The following DMXL1 variants were observed in gnomAD, a reference collection of about 807,000 sequenced individuals.
DMXL1 encodes dmX-like protein 1.
DMXL1 carries 99 observed loss-of-function variants against 319.2 expected under a neutral mutation model. That is an observed-to-expected ratio of 0.31 (90% CI 0.26 to 0.37). DMXL1 has a LOEUF of 0.37. Among genes scored for constraint, DMXL1 ranks in the 10% least tolerant of loss-of-function variants. DMXL1 has a pLI of 1.00. For missense variants in DMXL1, 3,745 were observed against 3,595.6 expected (o/e 1.04, Z -1.06); for synonymous variants, 1,385 against 1,235.2 (o/e 1.12, Z -2.54).
intron 37 of DMXL1, among the ~76,000 whole-genome samples, chr5:119,223,077 G>C (rs1784918934): frequency 8.6e-6 from 1 of 115,990 alleles, no homozygotes; most frequent in South Asian, 2.9e-4. Context: ...TTTTTTTTGA[G>C]ATGGAGTCTC....
chr5:119,143,309 GAAA>G (rs576619605), intron 13 of DMXL1, among the ~76,000 whole-genome samples: 1 of 151,322 alleles, frequency 6.6e-6, no homozygotes, highest in Non-Finnish European at 1.5e-5. Context: ...GAAGGCAAAA[GAAA>G]AAAAATATTT....
chr5:119,182,423 A>G (rs1776940553), intron 28 of DMXL1, among the ~76,000 whole-genome samples: 1 of 152,156 alleles, frequency 6.6e-6, no homozygotes, highest in Admixed American at 6.6e-5. Context: ...ACCCTTAAAC[A>G]TGTTTTCTAA....
chr5:119,134,181 A>G lies in DMXL1; in HGVS notation c.2254+3A>G, dbSNP rs757055043. 8 of 1,610,906 alleles carry G rather than the reference A, an allele frequency of 5.0e-6. No homozygotes were observed. Among genetic ancestry groups the G allele is most frequent in the Non-Finnish European group, 6.8e-6 (8 of 1,178,860 alleles). ...TCTTATACCCAGTTATTGTCTGGGT[A>G]AGTATTCTGGTTTTTATTACAGTAA... On this transcript the variant is annotated splice_donor_region_variant and intron_variant, in intron 12 of 43. Transcript: ENST00000539542.
In DMXL1 at chr5:119,149,229, A is replaced by C. The variant is rs1185191450; in HGVS notation, c.3402A>C (p.Ser1134=). Residue 1134 remains serine (S), a synonymous_variant, in exon 18 of 44, where the codon TCA becomes TCC. Transcript: ENST00000539542. The part of the protein sequence containing the change: ...MYLSSKENIT[S]NTKHLVHLDW... Reference sequence around the variant, plus strand: ...TATCTAGTAAAGAGAATATCACATCAAACACAAAGCATTTAGTTCACTTAG... The same window carrying C: ...TATCTAGTAAAGAGAATATCACATCCAACACAAAGCATTTAGTTCACTTAG... The C allele has an allele frequency of 1.9e-6, 3 of 1,613,970 alleles. No homozygotes were observed. Among genetic ancestry groups the C allele is most frequent in the Admixed American group, 3.3e-5 (2 of 59,988 alleles).
chr5:119,168,966 A>G (rs1774003920), intron 23 of DMXL1, among the ~76,000 whole-genome samples: 2 of 152,044 alleles, frequency 1.3e-5, no homozygotes, highest in Non-Finnish European at 2.9e-5. Context: ...CAGTGGGGCT[A>G]TCTCAGCTCA....
At position 119,197,937 on chromosome 5, in the gene DMXL1, C is replaced by G. The variant is rs1310280804; in HGVS notation, c.7726C>G (p.Pro2576Ala). 1 of 1,613,982 alleles carries G rather than the reference C, an allele frequency of 6.2e-7. No homozygotes were observed. Among genetic ancestry groups the G allele is most frequent in the African/African-American group, 1.3e-5 (1 of 74,898 alleles). Residue 2576 changes from proline to alanine, a missense_variant, in exon 32 of 44, where the codon CCT becomes GCT. This residue lies in a region of DMXL1 where 1,382 missense variants were observed against 1,269.5 expected (regional missense o/e 1.09). Coordinates refer to ENST00000539542, the MANE Select transcript of DMXL1 (RefSeq NM_001290321.3). ...AILRHKALLE[P>A]TNTPFKSKHH... ...TCTTCGCCACAAAGCTTTACTGGAA[C>G]CTACAAACACTCCTTTCAAGTAGGT...
chr5:119,084,758 G>A (rs921328649), intron 1 of DMXL1, among the ~76,000 whole-genome samples: 2 of 151,774 alleles, frequency 1.3e-5, no homozygotes, highest in East Asian at 1.9e-4. Flanking sequence ...CCGGCTACTC[G>A]GGAGGCGAGG....
intron 13 of DMXL1, among the ~76,000 whole-genome samples, chr5:119,138,046 C>T (rs542445582): frequency 1.3e-5 from 2 of 152,082 alleles, no homozygotes; most frequent in African/African-American, 4.8e-5. Context: ...TAAATGATTC[C>T]TCTGGTGGCT....
intron 7 of DMXL1, among the ~76,000 whole-genome samples, chr5:119,118,164 A>G (rs2149920051): frequency 6.6e-6 from 1 of 152,320 alleles, no homozygotes; most frequent in East Asian, 1.9e-4. Context: ...AGGATGACTA[A>G]GGAGGGGGAA....
chr5:119,121,155 T>A lies in DMXL1; in HGVS notation c.1102+16T>A. On this transcript the variant is annotated intron_variant, in intron 9 of 43. Coordinates refer to ENST00000539542, the MANE Select transcript of DMXL1 (RefSeq NM_001290321.3). ...CCAGCCACAGGTAATGAAACATTGT[T>A]CAAAACATGTTTCTGAAATTGAATA... 1 of 1,565,944 alleles carries A rather than the reference T, an allele frequency of 6.4e-7. No individual in the cohort carries two copies. Among genetic ancestry groups the A allele is most frequent in the Non-Finnish European group, 8.6e-7 (1 of 1,159,670 alleles).
chr5:119,208,814 T>A (rs1404924854), intron 34 of DMXL1, among the ~76,000 whole-genome samples: 2 of 152,222 alleles, frequency 1.3e-5, no homozygotes, highest in African/African-American at 2.4e-5. Flanking sequence ...GGATAATGAT[T>A]ATATCCATCA....
intron 19 of DMXL1, among the ~76,000 whole-genome samples, chr5:119,156,838 T>A (rs780241282): frequency 3.1e-4 from 47 of 152,234 alleles, no homozygotes; most frequent in Non-Finnish European, 5.3e-4. Flanking sequence ...GAAAACTGTT[T>A]GTTTTTTTCT....
intron 9 of DMXL1, chr5:119,128,206 G>T: frequency 9.5e-6 from 4 of 421,838 alleles, no homozygotes; most frequent in Non-Finnish European, 1.4e-5. Flanking sequence ...TCTGTGAGAA[G>T]AATCTGGATA....
intron 25 of DMXL1, among the ~76,000 whole-genome samples, chr5:119,173,776 G>GTGTGTGTGTGTATATATATATATATA: frequency 1.5e-5 from 1 of 67,170 alleles, no homozygotes; most frequent in African/African-American, 5.6e-5. Context: ...ATGTGTGTGT[G>GTGTGTGTGTGTATATATATATATATA]TATATATATA....
At chr5:119,073,526 G>A (rs538404724) in intron 1 of DMXL1, among the ~76,000 whole-genome samples, 8 of 152,228 alleles carry the variant, frequency 5.3e-5, no homozygotes, top group South Asian at 2.1e-4. Flanking sequence ...TTAATGTGCC[G>A]AGGAGGATTA....
rs202171433 is a variant in DMXL1, at chr5:119,171,913, C to T, written c.6625C>T (p.Leu2209Phe). ...LHLSNLTHDI[L>F]HAIINFDSPP... is the part of the protein sequence containing the mutation. ...CCTTAGTAATCTGACACATGATATT[C>T]TCCATGCCATAATAAACTTTGATTC... Residue 2209 changes from leucine (L) to phenylalanine (F), a missense_variant, in exon 25 of 44, where the codon CTC becomes TTC. Physicochemically the swap from Leu to Phe is conservative, Grantham distance 22. This residue lies in a region of DMXL1 where 1,382 missense variants were observed against 1,269.5 expected (regional missense o/e 1.09). Transcript: ENST00000539542. The T allele has an allele frequency of 2.0e-5, 32 of 1,613,812 alleles. No individual in the cohort carries two copies. In the East Asian group the frequency reaches 6.9e-4, roughly 35 times the overall value.
At chr5:119,119,482 C>T (rs1406438495) in intron 8 of DMXL1, among the ~76,000 whole-genome samples, 2 of 151,332 alleles carry the variant, frequency 1.3e-5, no homozygotes, top group African/African-American at 2.4e-5. Flanking sequence ...TACATTTGAT[C>T]GTAGCCTAAA....
At chr5:119,189,907 A>T in intron 29 of DMXL1, 21 bp downstream of exon 29, 1 of 1,587,374 alleles carries the variant, frequency 6.3e-7, no homozygotes, top group Non-Finnish European at 8.6e-7. Flanking sequence ...TGCTATCTAG[A>T]TCAATATTTT....
At chr5:119,130,849 A>G (rs1764708008) in intron 10 of DMXL1, among the ~76,000 whole-genome samples, 1 of 152,200 alleles carries the variant, frequency 6.6e-6, no homozygotes, top group African/African-American at 2.4e-5. Context: ...CTTGATTTCT[A>G]GATGGGGAAT....
Sources: allele counts gnomAD v4.1 joint callset (sites outside exome capture counted in the v4.1 genomes callset), GRCh38; gene constraint gnomAD v4.1.1; regional missense constraint gnomAD v4.1.1; transcripts MANE v1.5; gene names NCBI Gene and HGNC (gene_info 2026-07-23, HGNC 2026-07-21).